The following FCHSD2 variants were observed in gnomAD, a reference collection of about 807,000 sequenced individuals.
FCHSD2 encodes the protein FCH and double SH3 domains 2.
FCHSD2 carries 38 observed loss-of-function variants against 108.1 expected under a neutral mutation model. The observed-to-expected ratio is 0.35, with a 90% CI of 0.27 to 0.46. The LOEUF (loss-of-function observed/expected upper bound fraction) is 0.46, where lower values mean the gene tolerates loss of function less well. Ranked by LOEUF, FCHSD2 falls within the 20% of genes least tolerant of loss-of-function variation. FCHSD2 has a pLI of 1.00. For missense variants in FCHSD2, 751 were observed against 897.8 expected, an observed-to-expected ratio of 0.84 and a Z score of 2.09; for synonymous variants, 279 against 314.7, an observed-to-expected ratio of 0.89 and a Z score of 1.20.
At chr11:72,915,936 G>A (rs1855864021) in intron 9 of FCHSD2, among the ~76,000 whole-genome samples, 1 of 152,150 alleles carries the variant, frequency 6.6e-6, no homozygotes, top group African/African-American at 2.4e-5. Context: ...TGGAGCTGGA[G>A]GCCACTATCC....
At chr11:73,077,144 G>T (rs1000250184) in intron 3 of FCHSD2, among the ~76,000 whole-genome samples, 2 of 147,550 alleles carry the variant, frequency 1.4e-5, no homozygotes, top group Non-Finnish European at 3.0e-5. Flanking sequence ...AAAAAAGTTT[G>T]TTACGCTCAT....
chr11:73,113,323 T>C (rs911018286), intron 2 of FCHSD2, among the ~76,000 whole-genome samples: 16 of 151,416 alleles, frequency 1.1e-4, no homozygotes, highest in African/African-American at 3.4e-4. Flanking sequence ...GTACCTTAGT[T>C]TGGTTGATCA....
intron 5 of FCHSD2, among the ~76,000 whole-genome samples, chr11:72,991,293 G>A (rs912046300): frequency 6.6e-6 from 1 of 152,140 alleles, no homozygotes; most frequent in Admixed American, 6.5e-5. Context: ...ACAAGGAGGA[G>A]CTGGTACCAT....
intron 13 of FCHSD2, among the ~76,000 whole-genome samples, chr11:72,853,892 AT>A (rs1271101668): frequency 2.6e-5 from 4 of 152,242 alleles, no homozygotes; most frequent in Non-Finnish European, 4.4e-5. Context: ...AAATAATCCA[AT>A]TAAAAATGGG....
At chr11:72,988,473 T>A (rs547468426) in intron 6 of FCHSD2, among the ~76,000 whole-genome samples, 1 of 152,186 alleles carries the variant, frequency 6.6e-6, no homozygotes, top group Non-Finnish European at 1.5e-5. Context: ...TACACTAGAT[T>A]TTTGTGTAAA....
At chr11:73,050,758 G>A (rs911570813) in intron 3 of FCHSD2, among the ~76,000 whole-genome samples, 32 of 152,152 alleles carry the variant, frequency 2.1e-4, no homozygotes, top group African/African-American at 6.8e-4. Flanking sequence ...GGAAAAAACC[G>A]TCTCACTGAA....
At chr11:72,886,231 T>C (rs1412942705) in intron 12 of FCHSD2, among the ~76,000 whole-genome samples, 2 of 152,192 alleles carry the variant, frequency 1.3e-5, no homozygotes, top group Non-Finnish European at 2.9e-5. Context: ...GCTTATTCTG[T>C]CTTTGGGAAG....
chr11:73,038,082 C>G (rs7121707), intron 3 of FCHSD2, among the ~76,000 whole-genome samples: 5,125 of 152,206 alleles, frequency 0.034, 287 homozygotes, highest in African/African-American at 0.12. Context: ...AAAAACAAAA[C>G]CATCTATCAC....
At chr11:72,881,453 T>C (rs1370824202) in intron 12 of FCHSD2, among the ~76,000 whole-genome samples, 2 of 152,204 alleles carry the variant, frequency 1.3e-5, no homozygotes, top group Admixed American at 1.3e-4. Context: ...TGTAAATTAG[T>C]ACAGCTATTA....
intron 13 of FCHSD2, among the ~76,000 whole-genome samples, chr11:72,864,482 C>A (rs1276310660): frequency 1.3e-5 from 2 of 152,134 alleles, no homozygotes; most frequent in African/African-American, 4.8e-5. Context: ...AAGGTTGAGA[C>A]TGCAGTGAGC....
chr11:73,068,640 T>C (rs973377460), intron 3 of FCHSD2, among the ~76,000 whole-genome samples: 3 of 151,978 alleles, frequency 2.0e-5, no homozygotes, highest in African/African-American at 4.8e-5. Context: ...AACACACATT[T>C]GGTACAGATG....
intron 8 of FCHSD2, among the ~76,000 whole-genome samples, chr11:72,948,679 T>TA (rs989672322): frequency 1.3e-5 from 2 of 151,504 alleles, no homozygotes; most frequent in African/African-American, 4.9e-5. Context: ...TTCTTTTTTT[T>TA]TTTTGAGAGG....
intron 5 of FCHSD2, among the ~76,000 whole-genome samples, chr11:72,995,048 G>C (rs1857495024): frequency 6.6e-6 from 1 of 151,948 alleles, no homozygotes; most frequent in Admixed American, 6.6e-5. Flanking sequence ...GTTCCTTTTT[G>C]GGATATTTAG....
At chr11:73,060,759 T>A (rs891347096) in intron 3 of FCHSD2, among the ~76,000 whole-genome samples, 1 of 152,054 alleles carries the variant, frequency 6.6e-6, no homozygotes, top group African/African-American at 2.4e-5. Context: ...GTGGGCAAGA[T>A]TGAAGTTAGA....
intron 2 of FCHSD2, among the ~76,000 whole-genome samples, chr11:73,097,369 T>A (rs1255767408): frequency 2.0e-5 from 3 of 151,216 alleles, no homozygotes; most frequent in African/African-American, 7.3e-5. Context: ...TTTGTTTGGT[T>A]TATTTTATTT....
chr11:73,112,803 C>T (rs757058359), intron 2 of FCHSD2, among the ~76,000 whole-genome samples: 4 of 152,172 alleles, frequency 2.6e-5, no homozygotes, highest in Non-Finnish European at 4.4e-5. Context: ...CATACACTAT[C>T]ATGCCTGGCT....
At chr11:72,959,218 G>GTTTTTT (rs1565342294) in intron 8 of FCHSD2, among the ~76,000 whole-genome samples, 1 of 61,566 alleles carries the variant, frequency 1.6e-5, no homozygotes, top group Non-Finnish European at 3.1e-5. Flanking sequence ...ATATCCAGCA[G>GTTTTTT]TCTTTTTTTT....
intron 3 of FCHSD2, among the ~76,000 whole-genome samples, chr11:73,070,119 C>T (rs1355239538): frequency 3.9e-5 from 6 of 152,068 alleles, no homozygotes; most frequent in Non-Finnish European, 8.8e-5. Context: ...TTCATTGTCC[C>T]AAGAAGAAAA....
chr11:72,888,998 A>C (rs892301441), intron 11 of FCHSD2, among the ~76,000 whole-genome samples: 5 of 151,860 alleles, frequency 3.3e-5, no homozygotes, highest in Admixed American at 6.6e-5. Context: ...GCTGTCGCCC[A>C]GGTTGGAGTG....
Sources: allele counts gnomAD v4.1 joint callset (sites outside exome capture counted in the v4.1 genomes callset), GRCh38; gene constraint gnomAD v4.1.1; transcripts MANE v1.5; gene names NCBI Gene and HGNC (gene_info 2026-07-23, HGNC 2026-07-21).